The following VPS8 variants were observed in gnomAD, a reference collection of about 807,000 sequenced individuals.
The protein encoded by VPS8 is VPS8 subunit of CORVET complex, also known as vacuolar protein sorting-associated protein 8 homolog.
VPS8 carries 129 observed loss-of-function variants against 216.4 expected under a neutral mutation model. That is an observed-to-expected ratio of 0.60 (90% CI 0.52 to 0.69). The LOEUF (loss-of-function observed/expected upper bound fraction) is 0.69. VPS8 is among the 30% of genes least tolerant of loss of function. The probability of loss-of-function intolerance (pLI) is 0.00; values close to 1 mark genes in which losing one functional copy is unlikely to be tolerated. For missense variants in VPS8, 1,531 were observed against 1,683.5 expected, an observed-to-expected ratio of 0.91 and a Z score of 1.59; for synonymous variants, 571 against 565.4, an observed-to-expected ratio of 1.01 and a Z score of -0.14.
intron 10 of VPS8, among the ~76,000 whole-genome samples, chr3:184,851,782 A>G (rs1319992866): frequency 6.6e-6 from 1 of 152,118 alleles, no homozygotes; most frequent in Non-Finnish European, 1.5e-5. Context: ...GCTATTTAGG[A>G]TGGTTCACTA....
At chr3:184,860,477 A>G in intron 15 of VPS8, among the ~76,000 whole-genome samples, 1 of 143,782 alleles carries the variant, frequency 7.0e-6, no homozygotes, top group South Asian at 2.1e-4. Flanking sequence ...ATACACACAC[A>G]CACACACACA....
At chr3:184,881,247 T>G (rs1730216746) in intron 21 of VPS8, among the ~76,000 whole-genome samples, 1 of 152,194 alleles carries the variant, frequency 6.6e-6, no homozygotes, top group African/African-American at 2.4e-5. Flanking sequence ...GATTTTCTCC[T>G]ATGTTTTTTT....
intron 45 of VPS8, among the ~76,000 whole-genome samples, chr3:185,020,737 G>A (rs1756531098): frequency 1.3e-5 from 2 of 152,062 alleles, no homozygotes; most frequent in Admixed American, 1.3e-4. Context: ...CCAAATTGCT[G>A]GTATTACAGG....
chr3:184,894,508 G>GTGTATA lies in VPS8; in HGVS notation c.1782-194_1782-193insGTATAT, dbSNP rs1553857846. ...TTTATATATATGTATATATACACAC[G>GTGTATA]TATATATATATATATATATATATAC... On this transcript the variant is annotated intron_variant, in intron 22 of 47. Transcript: ENST00000625842. Among the ~76,000 whole-genome samples the GTGTATA allele has an allele frequency of 4.4e-3, 588 of 133,108 alleles. 2 individuals are homozygous for GTGTATA. Among genetic ancestry groups the GTGTATA allele is most frequent in the African/African-American group, 0.012 (439 of 36,344 alleles). 87.3% of individuals were successfully genotyped at this position (133,108 alleles called of 152,430 possible). A position where few individuals can be genotyped will look rare whatever the true frequency, so the allele number is the denominator to read the frequency against.
At chr3:184,820,336 G>A (rs548144778) in intron 1 of VPS8, among the ~76,000 whole-genome samples, 7 of 152,172 alleles carry the variant, frequency 4.6e-5, no homozygotes, top group Non-Finnish European at 8.8e-5. Context: ...CCTGTTCTCC[G>A]TGTTCAACGC....
chr3:185,042,148 G>A (rs1357034309), intron 46 of VPS8, among the ~76,000 whole-genome samples: 1 of 152,134 alleles, frequency 6.6e-6, no homozygotes, highest in East Asian at 1.9e-4. Context: ...ACTGATGGTG[G>A]GTATTATTCC....
intron 42 of VPS8, among the ~76,000 whole-genome samples, chr3:184,988,171 A>G (rs1317630025): frequency 1.3e-5 from 2 of 152,202 alleles, no homozygotes; most frequent in Admixed American, 1.3e-4. Context: ...GCTTTTAATG[A>G]AGTCTAGTTT....
chr3:184,831,597 T>G (rs1201636434), intron 3 of VPS8, among the ~76,000 whole-genome samples: 1 of 152,206 alleles, frequency 6.6e-6, no homozygotes, highest in African/African-American at 2.4e-5. Context: ...ATTTGTCTGC[T>G]TTCTAATTTC....
At chr3:184,919,521 T>C (rs929264252) in intron 28 of VPS8, among the ~76,000 whole-genome samples, 1 of 152,222 alleles carries the variant, frequency 6.6e-6, no homozygotes, top group African/African-American at 2.4e-5. Flanking sequence ...TTTATTTTGA[T>C]GCATGTTATG....
At chr3:184,975,236 A>G (rs1000735227) in intron 40 of VPS8, among the ~76,000 whole-genome samples, 1 of 152,076 alleles carries the variant, frequency 6.6e-6, no homozygotes, top group Non-Finnish European at 1.5e-5. Flanking sequence ...AGAGTTTTGT[A>G]GTTTTCCATA....
In VPS8 at chr3:184,839,775, G is replaced by A; in HGVS notation, c.535+23G>A. 2.5e-6 allele frequency: 4 copies of A among 1,576,282 alleles called. No homozygotes were observed. The South Asian group carries it at 4.6e-5, about 18-fold the overall frequency. On this transcript the variant is annotated intron_variant, in intron 7 of 47. Coordinates refer to ENST00000625842, the MANE Select transcript of VPS8 (RefSeq NM_001009921.3). ...TTGGTAAATTTTTAAGTGCTTTCCTGCTTTTAAATATTAAGTGTCCTTTTG... is the reference window on the plus strand; with the variant it reads ...TTGGTAAATTTTTAAGTGCTTTCCTACTTTTAAATATTAAGTGTCCTTTTG...
intron 8 of VPS8, among the ~76,000 whole-genome samples, chr3:184,847,188 A>G (rs1053778419): frequency 6.6e-6 from 1 of 152,044 alleles, no homozygotes; most frequent in Non-Finnish European, 1.5e-5. Context: ...AAAATAGAGT[A>G]TTTTCTATGT....
chr3:184,892,436 C>T (rs1392919110), intron 22 of VPS8, among the ~76,000 whole-genome samples: 1 of 152,078 alleles, frequency 6.6e-6, no homozygotes, highest in Non-Finnish European at 1.5e-5. Context: ...AGGCTGGTGT[C>T]AAACTCCTGA....
chr3:185,007,437 G>A (rs370729756), intron 45 of VPS8, among the ~76,000 whole-genome samples: 4 of 152,102 alleles, frequency 2.6e-5, no homozygotes, highest in Non-Finnish European at 5.9e-5. Flanking sequence ...GCATTGATTA[G>A]CATGAGAAGA....
intron 37 of VPS8, among the ~76,000 whole-genome samples, chr3:184,962,141 A>G (rs138639564): frequency 1.3e-5 from 2 of 152,374 alleles, no homozygotes; most frequent in Admixed American, 1.3e-4. Flanking sequence ...AATCTATCAA[A>G]TGAATGTGCC....
At chr3:184,945,747 T>C (rs557190736) in intron 36 of VPS8, among the ~76,000 whole-genome samples, 107 of 152,190 alleles carry the variant, frequency 7.0e-4, no homozygotes, top group African/African-American at 2.4e-3. Flanking sequence ...AATATTACAG[T>C]AGAGAAAGAG....
At position 184,920,162 on chromosome 3, in the gene VPS8, G is replaced by A; in HGVS notation, c.2418G>A (p.Val806=). ...ATTTTAAAAATGACAAGCAAGCTGT[G>A]GAATATCAACAGCGAATTGTGGATA... is the stretch of plus-strand genomic sequence containing the variant. The part of the protein sequence containing the change: ...FEDFKNDKQA[V]EYQQRIVDIL... The change falls in exon 29 of 48, where the codon GTG becomes GTA. Residue 806 remains valine (V), a synonymous_variant. Transcript: ENST00000625842. The A allele has an allele frequency of 6.6e-7, 1 of 1,521,862 alleles. No homozygotes were observed. The highest frequency in any genetic ancestry group is 8.8e-7 in the Non-Finnish European group (1 of 1,135,798). 94.3% of individuals were successfully genotyped at this position (1,521,862 alleles called of 1,614,324 possible).
At chr3:184,895,245 G>C (rs1305583602) in intron 23 of VPS8, among the ~76,000 whole-genome samples, 1 of 152,054 alleles carries the variant, frequency 6.6e-6, no homozygotes, top group Non-Finnish European at 1.5e-5. Context: ...CTCTTTATCA[G>C]CTTGTTCGTT....
intron 25 of VPS8, among the ~76,000 whole-genome samples, chr3:184,907,356 T>C (rs915376831): frequency 1.3e-5 from 2 of 152,206 alleles, no homozygotes; most frequent in Non-Finnish European, 2.9e-5. Flanking sequence ...AGGGATGACT[T>C]TGAGTTCTGT....
Sources: allele counts gnomAD v4.1 joint callset (sites outside exome capture counted in the v4.1 genomes callset), GRCh38; gene constraint gnomAD v4.1.1; transcripts MANE v1.5; gene names NCBI Gene and HGNC (gene_info 2026-07-23, HGNC 2026-07-21).